The following PATJ variants were observed in gnomAD, a reference collection of about 807,000 sequenced individuals.
The protein encoded by PATJ is PATJ crumbs cell polarity complex component.
In PATJ, 190 loss-of-function variants were observed where a neutral mutation model predicts 224.9. The ratio of observed to expected loss-of-function variants is 0.84; its 90% CI spans 0.75 to 0.95. PATJ has a LOEUF of 0.95. Ranked by LOEUF, PATJ falls within the 40% of genes least tolerant of loss-of-function variation. The pLI, the probability that PATJ is intolerant of heterozygous loss-of-function variation, is 0.00. For synonymous variants in PATJ, 769 were observed against 820.3 expected, an observed-to-expected ratio of 0.94 and a Z score of 1.07; for missense variants, 2,121 against 2,270.3, an observed-to-expected ratio of 0.93 and a Z score of 1.34.
intron 18 of PATJ, among the ~76,000 whole-genome samples, chr1:61,858,247 G>T (rs927156283): frequency 1.3e-5 from 2 of 151,858 alleles, no homozygotes; most frequent in Admixed American, 1.3e-4. Context: ...GTGGGGTGGG[G>T]GATGCCACAG....
At chr1:62,034,442 C>T (rs1442302010) in intron 29 of PATJ, among the ~76,000 whole-genome samples, 3 of 100,230 alleles carry the variant, frequency 3.0e-5, no homozygotes, top group African/African-American at 8.0e-5. Flanking sequence ...GACTCTGTCT[C>T]AAAAAAAAAA....
intron 22 of PATJ, among the ~76,000 whole-genome samples, chr1:61,896,818 C>G (rs973583995): frequency 2.0e-5 from 3 of 152,162 alleles, no homozygotes; most frequent in Non-Finnish European, 4.4e-5. Context: ...CCTGTGCACT[C>G]TCTCCTGCTG....
chr1:62,144,085 G>C (rs1667772618), intron 41 of PATJ, among the ~76,000 whole-genome samples: 1 of 152,200 alleles, frequency 6.6e-6, no homozygotes, highest in African/African-American at 2.4e-5. Flanking sequence ...GCTAAGAGGA[G>C]AGACTTTTCG....
rs182559498 is a variant in PATJ, at chr1:62,029,898, A to T, written c.3960-8079A>T. ...CCAGCAACTACAAAGACATGCAAAT[A>T]AGAAACTATACATCAGGCAAAACAA... is the stretch of plus-strand genomic sequence containing the variant. On this transcript the variant is annotated intron_variant, in intron 29 of 43. Coordinates refer to ENST00000642238, the MANE Select transcript of PATJ (RefSeq NM_001350145.3). Among the ~76,000 whole-genome samples, 128 of 152,342 alleles carry T rather than the reference A, an allele frequency of 8.4e-4. 2 individuals carry two copies. Among genetic ancestry groups the T allele is most frequent in the Non-Finnish European group, 3.8e-4 (26 of 68,032 alleles).
Position 62,002,565 on chromosome 1 carries a change from CG to C in PATJ, c.3867+12204del, listed in dbSNP as rs1414439863. 2.6e-5 allele frequency among the ~76,000 whole-genome samples: 4 copies of C among 151,904 alleles called. No individual in the cohort carries two copies. In the South Asian group the frequency reaches 8.3e-4, roughly 32 times the overall value. ...CTACCAGAAATACAAAAAAATTAGC[CG>C]GGTGTGGTAGTGCATGCCTATAATC... is the stretch of plus-strand genomic sequence containing the variant. On this transcript the variant is annotated intron_variant, in intron 28 of 43. Transcript: ENST00000642238.
chr1:61,794,294 C>T (rs757320837), intron 9 of PATJ, among the ~76,000 whole-genome samples: 3 of 151,554 alleles, frequency 2.0e-5, no homozygotes, highest in African/African-American at 4.9e-5. Flanking sequence ...TACAGGCATG[C>T]GCCATTACAC....
intron 27 of PATJ, among the ~76,000 whole-genome samples, chr1:61,941,024 GATCAAA>G (rs1677742071): frequency 6.6e-6 from 1 of 151,914 alleles, no homozygotes; most frequent in African/African-American, 2.4e-5. Flanking sequence ...ATTTTCCCTG[GATCAAA>G]GGTGGATATG....
chr1:61,866,616 T>G (rs764698755), intron 20 of PATJ, among the ~76,000 whole-genome samples: 1 of 151,756 alleles, frequency 6.6e-6, no homozygotes, highest in Non-Finnish European at 1.5e-5. Flanking sequence ...GTGTCATTTG[T>G]GTAACGTTAA....
At chr1:61,771,212 G>A (rs1344590773) in intron 5 of PATJ, among the ~76,000 whole-genome samples, 2 of 152,118 alleles carry the variant, frequency 1.3e-5, no homozygotes, top group Non-Finnish European at 2.9e-5. Flanking sequence ...AGCTTTTAAA[G>A]TGTGTCTGTG....
chr1:61,837,450 G>A (rs1660354105), intron 17 of PATJ, among the ~76,000 whole-genome samples: 1 of 152,070 alleles, frequency 6.6e-6, no homozygotes, highest in African/African-American at 2.4e-5. Flanking sequence ...ACCCAATTGT[G>A]GATTATTGGC....
intron 14 of PATJ, among the ~76,000 whole-genome samples, chr1:61,812,660 G>A (rs961640879): frequency 2.0e-5 from 3 of 151,820 alleles, no homozygotes; most frequent in Non-Finnish European, 4.4e-5. Context: ...ACCAGCCTGG[G>A]CAACATGATA....
rs188940352 is a variant in PATJ, at chr1:61,958,902, G to A, written c.3670+31073G>A. On this transcript the variant is annotated intron_variant, in intron 27 of 43. Coordinates refer to ENST00000642238, the MANE Select transcript of PATJ (RefSeq NM_001350145.3). ...TTAGGGGGAGTGGATGTTCTGTTTT[G>A]TTAGGGCAGATAAAACCTTGAAGAT... Among the ~76,000 whole-genome samples, 282 of 152,212 alleles carry A rather than the reference G, an allele frequency of 1.9e-3. 3 individuals carry two copies. Among genetic ancestry groups the A allele is most frequent in the Non-Finnish European group, 3.0e-3 (205 of 68,014 alleles).
At chr1:62,088,189 C>T (rs1035964589) in intron 33 of PATJ, among the ~76,000 whole-genome samples, 4 of 152,166 alleles carry the variant, frequency 2.6e-5, no homozygotes, top group African/African-American at 9.7e-5. Context: ...CCACGCCCAG[C>T]CAATTCTTTG....
At chr1:61,954,772 G>C (rs889836286) in intron 27 of PATJ, among the ~76,000 whole-genome samples, 3 of 64,622 alleles carry the variant, frequency 4.6e-5, no homozygotes, top group Non-Finnish European at 9.3e-5. Flanking sequence ...TTTTTTTTTT[G>C]AGACAGAGTC....
intron 17 of PATJ, 74 bp downstream of exon 17, chr1:61,833,859 T>C (rs1659744457): frequency 1.5e-6 from 2 of 1,378,264 alleles, no homozygotes; most frequent in Non-Finnish European, 2.0e-6. Flanking sequence ...GTAGCAATTG[T>C]TTAAGACCCC....
intron 43 of PATJ, among the ~76,000 whole-genome samples, chr1:62,157,324 A>C (rs12091837): frequency 0.19 from 27,122 of 146,032 alleles, 4,552 homozygotes; most frequent in East Asian, 0.64. Context: ...ACTCCATCTC[A>C]AAAAAAAAAG....
At chr1:62,079,344 A>C in intron 31 of PATJ, 106 bp from the exon 32 acceptor site, 2 of 682,402 alleles carry the variant, frequency 2.9e-6, no homozygotes, top group Non-Finnish European at 5.2e-6. Flanking sequence ...CTCAAAAGAC[A>C]TCATTGGACT....
chr1:62,098,055 G>A (rs942089190), intron 33 of PATJ, among the ~76,000 whole-genome samples: 1 of 151,998 alleles, frequency 6.6e-6, no homozygotes, highest in Non-Finnish European at 1.5e-5. Flanking sequence ...GATCACTAGA[G>A]GTCAGAAGTT....
intron 25 of PATJ, among the ~76,000 whole-genome samples, chr1:61,908,897 A>G (rs1013960090): frequency 1.3e-5 from 2 of 152,222 alleles, no homozygotes; most frequent in Non-Finnish European, 2.9e-5. Flanking sequence ...AAAAATAAAA[A>G]CGTGTTGACA....
Sources: gnomAD v4.1 joint callset for allele counts (sites outside exome capture counted in the v4.1 genomes callset) on GRCh38, gnomAD v4.1.1 for gene constraint, MANE v1.5 for transcripts, NCBI Gene and HGNC (gene_info 2026-07-23, HGNC 2026-07-21) for gene names.